Variants in KCNAB1 observed in about 807,000 individuals in gnomAD.
KCNAB1 encodes the protein voltage-gated potassium channel subunit beta-1.
KCNAB1 carries 35 observed loss-of-function variants against 64.6 expected under a neutral mutation model. That is an observed-to-expected ratio of 0.54 (90% confidence interval 0.41 to 0.72). KCNAB1 has a LOEUF of 0.72. Ranked by LOEUF, KCNAB1 falls within the 30% of genes least tolerant of loss-of-function variation. The pLI is 0.00. For synonymous variants in KCNAB1, 177 were observed against 183.8 expected, an observed-to-expected ratio of 0.96 and a Z score of 0.30; for missense variants, 401 against 512.9, an observed-to-expected ratio of 0.78 and a Z score of 2.11.
chr3:156,238,434 A>T (rs891877764), intron 1 of KCNAB1, among the ~76,000 whole-genome samples: 2 of 151,826 alleles, frequency 1.3e-5, no homozygotes, highest in Non-Finnish European at 2.9e-5. Context: ...AAAAAAAAAA[A>T]AAAAAAAAGG....
chr3:156,164,894 T>C (rs971602075), intron 1 of KCNAB1, among the ~76,000 whole-genome samples: 6 of 152,194 alleles, frequency 3.9e-5, no homozygotes, highest in African/African-American at 1.4e-4. Context: ...AGTGCTTAAA[T>C]AGGAAGAATT....
At chr3:156,275,255 A>T (rs1404448148) in intron 1 of KCNAB1, among the ~76,000 whole-genome samples, 1 of 152,240 alleles carries the variant, frequency 6.6e-6, no homozygotes, top group Non-Finnish European at 1.5e-5. Flanking sequence ...GTACAATAGC[A>T]TGTCTAAAAA....
chr3:156,187,034 T>A (rs1303980320), intron 1 of KCNAB1, among the ~76,000 whole-genome samples: 2 of 152,090 alleles, frequency 1.3e-5, no homozygotes, highest in Non-Finnish European at 2.9e-5. Context: ...TTTTATTTTT[T>A]GTAGAGACAG....
chr3:156,513,133 A>G (rs893212204), intron 8 of KCNAB1, among the ~76,000 whole-genome samples: 1 of 151,872 alleles, frequency 6.6e-6, no homozygotes, highest in African/African-American at 2.4e-5. Flanking sequence ...AATGGCATGA[A>G]CCCGGGAGGC....
At chr3:156,274,785 C>G (rs1719246818) in intron 1 of KCNAB1, among the ~76,000 whole-genome samples, 1 of 152,144 alleles carries the variant, frequency 6.6e-6, no homozygotes, top group African/African-American at 2.4e-5. Context: ...TTGACATATG[C>G]ATACATTGTG....
rs150164665 is a variant in KCNAB1 at position 156,224,575 on chromosome 3, G to C, written c.275+103689G>C. On this transcript the variant is annotated intron_variant, in intron 1 of 13. Coordinates refer to ENST00000490337, the MANE Select transcript of KCNAB1 (RefSeq NM_172160.3). Reference sequence around the variant, plus strand: ...AGAAGAAAAGAAATAATGATAATCAGAGCAGAACTAAATGAAATTGAAACA... The same window carrying C: ...AGAAGAAAAGAAATAATGATAATCACAGCAGAACTAAATGAAATTGAAACA... Among the ~76,000 whole-genome samples, 129 of 152,334 alleles carry C rather than the reference G, an allele frequency of 8.5e-4. No individual in the cohort carries two copies. The East Asian group carries it at 0.019, about 23-fold the overall frequency.
rs947635133 is a variant in KCNAB1 at position 156,339,887 on chromosome 3, T to C, written c.276-81729T>C. 3.3e-5 allele frequency among the ~76,000 whole-genome samples: 5 copies of C among 152,348 alleles called. No homozygotes were observed. The East Asian group carries it at 7.7e-4, about 23-fold the overall frequency. ...GAGGTGGTACTGGAAGACAGGATGA[T>C]CCAGTTCATTCCTTGTCTTTTCTGT... On this transcript the variant is annotated intron_variant, in intron 1 of 13. Transcript: ENST00000490337.
At chr3:156,463,201 G>A (rs372970078) in intron 5 of KCNAB1, among the ~76,000 whole-genome samples, 3 of 152,278 alleles carry the variant, frequency 2.0e-5, no homozygotes, top group African/African-American at 7.2e-5. Context: ...GGAGCCACAA[G>A]GATCCATGTT....
At position 156,515,239 on chromosome 3, in the gene KCNAB1, G is replaced by C; in HGVS notation, c.865+19G>C. 4 of 1,590,110 alleles carry C rather than the reference G, an allele frequency of 2.5e-6. No individual in the cohort carries two copies. Among genetic ancestry groups the C allele is most frequent in the Non-Finnish European group, 3.4e-6 (4 of 1,170,482 alleles). On this transcript the variant is annotated intron_variant, in intron 10 of 13. Coordinates refer to ENST00000490337, the MANE Select transcript of KCNAB1 (RefSeq NM_172160.3). ...AAAATAGGTAATCTTCAAAATAAAAGCTACTGAGTATTTTTAACAAGAGAA... is the reference window on the plus strand; with the variant it reads ...AAAATAGGTAATCTTCAAAATAAAACCTACTGAGTATTTTTAACAAGAGAA...
At chr3:156,151,541 C>A (rs1464420704) in intron 1 of KCNAB1, among the ~76,000 whole-genome samples, 1 of 152,178 alleles carries the variant, frequency 6.6e-6, no homozygotes, top group Non-Finnish European at 1.5e-5. Flanking sequence ...AAGAACACAT[C>A]TGGGCTATTT....
At chr3:156,181,360 G>A (rs1030822757) in intron 1 of KCNAB1, among the ~76,000 whole-genome samples, 1 of 152,172 alleles carries the variant, frequency 6.6e-6, no homozygotes, top group Non-Finnish European at 1.5e-5. Context: ...AACCCAACAT[G>A]ATGGAAAAAA....
At chr3:156,359,987 A>G (rs1015120258) in intron 1 of KCNAB1, among the ~76,000 whole-genome samples, 1 of 152,220 alleles carries the variant, frequency 6.6e-6, no homozygotes, top group Non-Finnish European at 1.5e-5. Context: ...AATGAGCATC[A>G]AAATAGCTAT....
intron 8 of KCNAB1, among the ~76,000 whole-genome samples, chr3:156,476,904 G>A (rs1195950819): frequency 3.3e-5 from 5 of 152,128 alleles, no homozygotes; most frequent in Non-Finnish European, 7.4e-5. Flanking sequence ...AGTGCCTAGT[G>A]ACTATTTTCC....
At chr3:156,432,675 A>C (rs1001282157) in intron 2 of KCNAB1, among the ~76,000 whole-genome samples, 2 of 152,106 alleles carry the variant, frequency 1.3e-5, no homozygotes, top group African/African-American at 4.8e-5. Flanking sequence ...AATTAGCTTC[A>C]TTTTTCTTCA....
intron 8 of KCNAB1, among the ~76,000 whole-genome samples, chr3:156,513,679 C>G (rs12107954): frequency 0.51 from 77,879 of 152,056 alleles, 20,466 homozygotes; most frequent in African/African-American, 0.62. Context: ...ATGTCGAGCT[C>G]CATGAGGCTG....
At chr3:156,134,003 C>G (rs1470698510) in intron 1 of KCNAB1, among the ~76,000 whole-genome samples, 1 of 151,972 alleles carries the variant, frequency 6.6e-6, no homozygotes, top group African/African-American at 2.4e-5. Flanking sequence ...AGGAAATATT[C>G]CCAATTAAGC....
chr3:156,273,542 C>T, intron 1 of KCNAB1: 1 of 456,184 alleles, frequency 2.2e-6, no homozygotes, highest in Non-Finnish European at 4.4e-6. Context: ...CACTCTCCCT[C>T]CCCTAAGCAC....
intron 8 of KCNAB1, among the ~76,000 whole-genome samples, chr3:156,510,019 A>G (rs929622688): frequency 2.0e-5 from 3 of 152,244 alleles, no homozygotes; most frequent in African/African-American, 7.2e-5. Flanking sequence ...ATTCATGGCA[A>G]CATGAATCTC....
In KCNAB1 at chr3:156,270,196, G is replaced by A. The variant is rs113412518; in HGVS notation, c.275+149310G>A. ...CTCCCAAAGTGCTGGGATTACAGGCGTGAGCCACTGCGCCCGGCCATATCT... is the reference window on the plus strand; with the variant it reads ...CTCCCAAAGTGCTGGGATTACAGGCATGAGCCACTGCGCCCGGCCATATCT... On this transcript the variant is annotated intron_variant, in intron 1 of 13. Transcript: ENST00000490337. 3.0e-4 allele frequency among the ~76,000 whole-genome samples: 45 copies of A among 152,230 alleles called. 1 individual carries two copies. The highest frequency in any genetic ancestry group is 9.6e-4 in the African/African-American group (40 of 41,546).
Sources: allele counts gnomAD v4.1 joint callset (sites outside exome capture counted in the v4.1 genomes callset), GRCh38; gene constraint gnomAD v4.1.1; transcripts MANE v1.5; gene names NCBI Gene and HGNC (gene_info 2026-07-23, HGNC 2026-07-21).